Variants in RARB observed in about 807,000 individuals in gnomAD.
RARB encodes HBV-activated protein.
A neutral mutation model predicts 51.9 loss-of-function variants in RARB; 17 were observed. The ratio of observed to expected loss-of-function variants is 0.33; its 90% CI spans 0.22 to 0.49. The LOEUF (loss-of-function observed/expected upper bound fraction) is 0.49. Ranked by LOEUF, RARB falls within the 20% of genes least tolerant of loss-of-function variation. RARB has a pLI of 0.99. For missense variants in RARB, 369 were observed against 550.8 expected, an observed-to-expected ratio of 0.67 and a Z score of 3.30; for synonymous variants, 215 against 195.4, an observed-to-expected ratio of 1.10 and a Z score of -0.84.
intron 2 of RARB, among the ~76,000 whole-genome samples, chr3:25,054,810 C>T (rs780460106): frequency 2.6e-5 from 4 of 152,144 alleles, no homozygotes; most frequent in Non-Finnish European, 4.4e-5. Flanking sequence ...TATGTGCTAC[C>T]ACTAGCAATA....
chr3:25,411,549 C>T (rs1239161888), intron 5 of RARB, among the ~76,000 whole-genome samples: 1 of 152,174 alleles, frequency 6.6e-6, no homozygotes, highest in Non-Finnish European at 1.5e-5. Flanking sequence ...GTGGAGAGTT[C>T]CTCACTGCAC....
At chr3:25,092,456 T>C (rs796538505) in intron 3 of RARB, among the ~76,000 whole-genome samples, 4 of 152,274 alleles carry the variant, frequency 2.6e-5, no homozygotes, top group Admixed American at 1.3e-4. Context: ...TTAGAGGAAA[T>C]TGAAGCATAA....
chr3:25,590,530 G>A (rs901495810), intron 5 of RARB, among the ~76,000 whole-genome samples: 47 of 152,112 alleles, frequency 3.1e-4, no homozygotes, highest in African/African-American at 1.1e-3. Context: ...TGTTGTGGTG[G>A]TGGTTGTTGA....
intron 3 of RARB, among the ~76,000 whole-genome samples, chr3:25,128,926 G>T (rs186902672): frequency 2.0e-5 from 3 of 152,174 alleles, no homozygotes; most frequent in South Asian, 4.2e-4. Flanking sequence ...TGGAAGCTAG[G>T]TTGGAAAAAA....
intron 3 of RARB, among the ~76,000 whole-genome samples, chr3:25,504,061 G>T (rs1231219999): frequency 6.6e-6 from 1 of 152,202 alleles, no homozygotes; most frequent in Non-Finnish European, 1.5e-5. Flanking sequence ...GGACATGTCA[G>T]TTCATCTGTA....
intron 2 of RARB, among the ~76,000 whole-genome samples, chr3:24,927,115 C>T (rs1439806429): frequency 1.3e-5 from 2 of 152,054 alleles, no homozygotes; most frequent in African/African-American, 4.8e-5. Flanking sequence ...TCAAATTATA[C>T]TCTTTTGTTT....
At chr3:25,514,392 C>G (rs1698055274) in intron 3 of RARB, among the ~76,000 whole-genome samples, 2 of 152,102 alleles carry the variant, frequency 1.3e-5, no homozygotes, top group Non-Finnish European at 2.9e-5. Flanking sequence ...TCTTTTAGTA[C>G]TGGGACCAAG....
intron 3 of RARB, among the ~76,000 whole-genome samples, chr3:25,525,810 A>G (rs1698621387): frequency 6.6e-6 from 1 of 152,172 alleles, no homozygotes; most frequent in Non-Finnish European, 1.5e-5. Context: ...GTGGTCACGG[A>G]TGGTCTGTCT....
At chr3:25,589,870 C>T (rs1340353418) in intron 5 of RARB, among the ~76,000 whole-genome samples, 1 of 152,214 alleles carries the variant, frequency 6.6e-6, no homozygotes, top group Non-Finnish European at 1.5e-5. Flanking sequence ...GATAAGATGC[C>T]TTCCTTTCAA....
rs527672263 is a variant in RARB, at chr3:24,982,370, C to T, written c.-379-77755C>T. On this transcript the variant is annotated intron_variant, in intron 2 of 11. Coordinates refer to the RARB transcript ENST00000383772. ...CTTTTCTCAGAGTGTAAGAGAGCTTCAGGCTTCCTTCCAAACCAGAGTGGA... is the reference window on the plus strand; with the variant it reads ...CTTTTCTCAGAGTGTAAGAGAGCTTTAGGCTTCCTTCCAAACCAGAGTGGA... Among the ~76,000 whole-genome samples, 4 of 152,286 alleles carry T rather than the reference C, an allele frequency of 2.6e-5. No homozygotes were observed. In the East Asian group the frequency reaches 5.8e-4, roughly 22 times the overall value.
chr3:24,918,993 C>T (rs1463787632), intron 2 of RARB, among the ~76,000 whole-genome samples: 1 of 152,126 alleles, frequency 6.6e-6, no homozygotes, highest in Non-Finnish European at 1.5e-5. Context: ...GTATGATTTC[C>T]TTCATCCTTA....
At chr3:25,326,172 A>G (rs1047167660) in intron 5 of RARB, among the ~76,000 whole-genome samples, 1 of 152,232 alleles carries the variant, frequency 6.6e-6, no homozygotes, top group Non-Finnish European at 1.5e-5. Flanking sequence ...AGAAATACTC[A>G]AAGATATTGC....
intron 3 of RARB, among the ~76,000 whole-genome samples, chr3:25,071,899 A>G (rs1306509707): frequency 6.6e-6 from 1 of 152,216 alleles, no homozygotes; most frequent in Non-Finnish European, 1.5e-5. Context: ...CTTCCCAAAG[A>G]TGCTTGAAAG....
chr3:25,425,889 T>C (rs1707974023), upstream of RARB, among the ~76,000 whole-genome samples: 4 of 152,310 alleles, frequency 2.6e-5, no homozygotes, highest in South Asian at 8.3e-4. Flanking sequence ...AGCAAGAATG[T>C]GCAGCAGCCT....
chr3:25,589,684 G>C (rs1369194314), intron 5 of RARB, among the ~76,000 whole-genome samples: 1 of 152,218 alleles, frequency 6.6e-6, no homozygotes, highest in African/African-American at 2.4e-5. Flanking sequence ...ATAGAGAGAT[G>C]CACAGTTGTC....
intron 2 of RARB, among the ~76,000 whole-genome samples, chr3:24,967,637 C>T (rs747126548): frequency 4.6e-5 from 7 of 152,012 alleles, no homozygotes; most frequent in East Asian, 1.9e-4. Flanking sequence ...GCTCTGCAGT[C>T]GTGTAATTAA....
At chr3:25,486,204 G>C (rs1661947758) in intron 2 of RARB, among the ~76,000 whole-genome samples, 2 of 152,172 alleles carry the variant, frequency 1.3e-5, no homozygotes, top group Admixed American at 1.3e-4. Flanking sequence ...AAAAGGTATA[G>C]AGCTAAGGCT....
In RARB at chr3:25,561,187, G is replaced by A. The variant is rs574240389; in HGVS notation, c.449-8571G>A. On this transcript the variant is annotated intron_variant, in intron 3 of 7. Coordinates refer to ENST00000330688, the MANE Select transcript of RARB (RefSeq NM_000965.5). The stretch of plus-strand genomic sequence containing the variant: ...TCTTTCATATTATTTAAGACCTATG[G>A]GGAACAGTGCCATAATTTCTGTGTG... Among the ~76,000 whole-genome samples the A allele has an allele frequency of 6.0e-4, 92 of 152,164 alleles. 1 individual carries two copies. The highest frequency in any genetic ancestry group is 1.0e-3 in the Admixed American group (16 of 15,280).
chr3:25,236,575 G>A (rs1321156290), intron 5 of RARB, among the ~76,000 whole-genome samples: 2 of 151,962 alleles, frequency 1.3e-5, no homozygotes, highest in Admixed American at 1.3e-4. Flanking sequence ...AAAGAGAAGA[G>A]GAAAGAAAAG....
Sources: allele counts gnomAD v4.1 joint callset (sites outside exome capture counted in the v4.1 genomes callset), GRCh38; gene constraint gnomAD v4.1.1; transcripts MANE v1.5; gene names NCBI Gene and HGNC (gene_info 2026-07-23, HGNC 2026-07-21).